ADCK1: variants seen among roughly 807,000 people sequenced by gnomAD.
The protein encoded by ADCK1 is aarF domain-containing protein kinase 1.
In ADCK1, 41 loss-of-function variants were observed where a neutral mutation model predicts 52.3. The observed-to-expected ratio is 0.78, with a 90% CI of 0.61 to 1.02. The LOEUF (loss-of-function observed/expected upper bound fraction) is 1.02. Ranked by LOEUF, ADCK1 falls within the 50% of genes least tolerant of loss-of-function variation. ADCK1 has a pLI of 0.00. For missense variants in ADCK1, 658 were observed against 679.5 expected (o/e 0.97, Z 0.35); for synonymous variants, 250 against 274.6 (o/e 0.91, Z 0.89).
rs2084414289 is a variant in ADCK1, at chr14:77,934,760, C to T, written c.*1369C>T. On this transcript the variant is annotated 3_prime_UTR_variant, in exon 11 of 11. Transcript: ENST00000238561. ...CCAATTCACAAGGGCAGAAAAAATCCTGAATTTGAGCCTAATTTTCTGTAC... is the reference window on the plus strand; with the variant it reads ...CCAATTCACAAGGGCAGAAAAAATCTTGAATTTGAGCCTAATTTTCTGTAC... 6.6e-6 allele frequency: 1 copy of T among 152,194 alleles called. No homozygotes were observed. The highest frequency in any genetic ancestry group is 1.5e-5 in the Non-Finnish European group (1 of 68,040). The allele number at this position is 152,194 out of a possible 1,614,324, so 9.4% of individuals were successfully genotyped here.
chr14:77,894,109 C>T (rs2083344424), intron 5 of ADCK1, among the ~76,000 whole-genome samples: 1 of 152,186 alleles, frequency 6.6e-6, no homozygotes, highest in African/African-American at 2.4e-5. Flanking sequence ...CAGAATCCAA[C>T]AGCGATTTTA....
chr14:77,839,436 G>A (rs1489508409), intron 3 of ADCK1, among the ~76,000 whole-genome samples: 1 of 152,102 alleles, frequency 6.6e-6, no homozygotes, highest in East Asian at 1.9e-4. Context: ...GATGGGGGTG[G>A]GTGAGAGGTG....
intron 3 of ADCK1, among the ~76,000 whole-genome samples, chr14:77,848,017 G>A (rs1323761330): frequency 6.6e-6 from 1 of 152,208 alleles, no homozygotes; most frequent in East Asian, 1.9e-4. Context: ...GGGCAACACT[G>A]AGGGCCCCAT....
At chr14:77,898,995 G>T in intron 5 of ADCK1, 105 bp from the exon 6 acceptor site, 2 of 1,472,738 alleles carry the variant, frequency 1.4e-6, no homozygotes, top group Non-Finnish European at 1.8e-6. Flanking sequence ...ATGGGCCCCA[G>T]GGGAGCAGTT....
intron 6 of ADCK1, chr14:77,902,522 A>C (rs748221626): frequency 6.6e-6 from 1 of 152,224 alleles, no homozygotes; most frequent in Non-Finnish European, 1.5e-5. Context: ...TATAGAGTCT[A>C]ATACATGCTT....
intron 4 of ADCK1, among the ~76,000 whole-genome samples, chr14:77,873,217 T>A (rs1210782039): frequency 6.6e-6 from 1 of 152,186 alleles, no homozygotes; most frequent in African/African-American, 2.4e-5. Context: ...CTAGCTGATT[T>A]ATGTTCACTG....
At chr14:77,894,792 G>A (rs546346930) in intron 5 of ADCK1, among the ~76,000 whole-genome samples, 7 of 94,122 alleles carry the variant, frequency 7.4e-5, no homozygotes, top group Middle Eastern at 0.01. Flanking sequence ...ATTTATTGCC[G>A]CCCAGGCTGG....
intron 1 of ADCK1, among the ~76,000 whole-genome samples, chr14:77,801,896 G>A (rs1247431883): frequency 6.6e-6 from 1 of 152,020 alleles, no homozygotes; most frequent in Admixed American, 6.6e-5. Context: ...AGCCGAGATC[G>A]TGTCACTGCA....
chr14:77,901,206 T>C (rs1408874351), intron 6 of ADCK1, among the ~76,000 whole-genome samples: 2 of 151,314 alleles, frequency 1.3e-5, no homozygotes, highest in African/African-American at 4.9e-5. Flanking sequence ...CACCATGCCT[T>C]ACTAATATTT....
At chr14:77,844,511 T>C (rs1475727868) in intron 3 of ADCK1, among the ~76,000 whole-genome samples, 2 of 152,026 alleles carry the variant, frequency 1.3e-5, no homozygotes, top group Non-Finnish European at 2.9e-5. Context: ...TGGTCTTAGC[T>C]CTCCCCCCTG....
At chr14:77,837,629 C>G (rs2081988723) in intron 3 of ADCK1, among the ~76,000 whole-genome samples, 1 of 152,206 alleles carries the variant, frequency 6.6e-6, no homozygotes, top group South Asian at 2.1e-4. Context: ...CTCCCCGGCT[C>G]ACTAATCTGG....
At chr14:77,883,458 G>A (rs993208832) in intron 4 of ADCK1, among the ~76,000 whole-genome samples, 1 of 152,140 alleles carries the variant, frequency 6.6e-6, no homozygotes, top group African/African-American at 2.4e-5. Context: ...CCATCTATCA[G>A]CATAAAGTAC....
At chr14:77,839,700 G>A (rs775880871) in intron 3 of ADCK1, among the ~76,000 whole-genome samples, 1 of 152,120 alleles carries the variant, frequency 6.6e-6, no homozygotes, top group Admixed American at 6.5e-5. Context: ...TTGGGAGGCC[G>A]ATGCAGGTGG....
In ADCK1 at chr14:77,885,898, T is replaced by G. The variant is rs545742738; in HGVS notation, c.424-1193T>G. On this transcript the variant is annotated intron_variant, in intron 4 of 10. Transcript: ENST00000238561. ...GCCTCTTTCCTAGTTGGCAGAATAT[T>G]TGGATCTGGACATGTAGGTGTGACC... Among the ~76,000 whole-genome samples the G allele has an allele frequency of 2.6e-5, 4 of 152,286 alleles. No homozygotes were observed. In the South Asian group the frequency reaches 8.3e-4, roughly 32 times the overall value.
chr14:77,926,912 C>T (rs2084210527), intron 9 of ADCK1, among the ~76,000 whole-genome samples: 1 of 152,204 alleles, frequency 6.6e-6, no homozygotes, highest in South Asian at 2.1e-4. Context: ...CCAGAATTGG[C>T]TGCTGTCTTC....
intron 4 of ADCK1, among the ~76,000 whole-genome samples, chr14:77,879,252 T>G (rs1331738256): frequency 6.6e-6 from 1 of 152,174 alleles, no homozygotes; most frequent in East Asian, 1.9e-4. Flanking sequence ...GTAAGGTGCT[T>G]TTGATGCAGT....
In ADCK1 at chr14:77,858,977, G is replaced by T. The variant is rs116750732; in HGVS notation, c.220-99G>T. On this transcript the variant is annotated intron_variant, in intron 3 of 10. Coordinates refer to ENST00000238561, the MANE Select transcript of ADCK1 (RefSeq NM_020421.4). ...ATGCATCTGCCCTGGGCATTGTGGG[G>T]TAATGAGGGTTTTCAAGCAGAGCAG... is the stretch of plus-strand genomic sequence containing the variant. The T allele has an allele frequency of 5.6e-4, 635 of 1,135,166 alleles. 4 individuals carry two copies. In the African/African-American group the frequency reaches 9.0e-3, roughly 16 times the overall value. 70.3% of individuals were successfully genotyped at this position (1,135,166 alleles called of 1,614,324 possible).
intron 4 of ADCK1, among the ~76,000 whole-genome samples, chr14:77,861,678 G>A (rs1400028981): frequency 6.6e-6 from 1 of 152,160 alleles, no homozygotes; most frequent in Non-Finnish European, 1.5e-5. Flanking sequence ...GATTCCATAA[G>A]TGCTCCTAAA....
chr14:77,859,158 G>A lies in ADCK1; in HGVS notation c.302G>A (p.Gly101Glu), dbSNP rs1462745898. 6.2e-7 allele frequency: 1 copy of A among 1,613,868 alleles called. No individual in the cohort carries two copies. Among genetic ancestry groups the A allele is most frequent in the Non-Finnish European group, 8.5e-7 (1 of 1,179,986 alleles). Residue 101 changes from glycine to glutamate, a missense_variant, in exon 4 of 11, where the codon GGG (glycine) becomes GAG (glutamate). Coordinates refer to ENST00000238561, the MANE Select transcript of ADCK1 (RefSeq NM_020421.4). Reference protein sequence around the residue: ...GTFIKVGQHLGALDYLLPEEY... With the variant: ...GTFIKVGQHLEALDYLLPEEY... ...TTCATCAAGGTGGGCCAGCACCTGGGGGCTCTGGACTACCTGTTGCCAGAG... is the reference window on the plus strand; with the variant it reads ...TTCATCAAGGTGGGCCAGCACCTGGAGGCTCTGGACTACCTGTTGCCAGAG...
Sources: gnomAD v4.1 joint callset for allele counts (sites outside exome capture counted in the v4.1 genomes callset) on GRCh38, gnomAD v4.1.1 for gene constraint, MANE v1.5 for transcripts, NCBI Gene and HGNC (gene_info 2026-07-23, HGNC 2026-07-21) for gene names.